Variants in ADAMTSL3 observed in about 807,000 individuals in gnomAD.
ADAMTSL3 encodes the protein ADAMTS like 3, also known as ADAMTS-like protein 3.
Under a neutral mutation model 201.7 loss-of-function variants are expected in ADAMTSL3, and 128 were observed. That is an observed-to-expected ratio of 0.63 (90% CI 0.55 to 0.73). The LOEUF is 0.73. Among genes scored for constraint, ADAMTSL3 ranks in the 30% least tolerant of loss-of-function variants. The pLI is 0.00. For missense variants in ADAMTSL3, 1,990 were observed against 2,119.6 expected (o/e 0.94, Z 1.20); for synonymous variants, 738 against 748.4 (o/e 0.99, Z 0.23).
At chr15:83,973,453 C>T (rs2067230134) in intron 20 of ADAMTSL3, among the ~76,000 whole-genome samples, 1 of 152,134 alleles carries the variant, frequency 6.6e-6, no homozygotes, top group Admixed American at 6.5e-5. Context: ...CTGGTATTAC[C>T]TTTCAAGTGA....
chr15:83,825,439 C>G (rs552728388), intron 6 of ADAMTSL3, among the ~76,000 whole-genome samples: 1 of 152,010 alleles, frequency 6.6e-6, no homozygotes, highest in South Asian at 2.1e-4. Flanking sequence ...GGGGAAACCT[C>G]GTTTCTACAA....
At chr15:83,938,837 C>T (rs2066505383) in intron 17 of ADAMTSL3, among the ~76,000 whole-genome samples, 1 of 151,988 alleles carries the variant, frequency 6.6e-6, no homozygotes. Flanking sequence ...AATGTCTTAC[C>T]CTTATGTCTT....
chr15:83,924,979 GTCC>G (rs2066221874), intron 17 of ADAMTSL3, among the ~76,000 whole-genome samples: 1 of 152,074 alleles, frequency 6.6e-6, no homozygotes, highest in Admixed American at 6.5e-5. Flanking sequence ...AGGTTATTGT[GTCC>G]TCCTGCCGTA....
chr15:83,867,074 G>T (rs1224374931), intron 8 of ADAMTSL3, among the ~76,000 whole-genome samples: 2 of 152,206 alleles, frequency 1.3e-5, no homozygotes, highest in East Asian at 1.9e-4. Context: ...TTATTTTCTG[G>T]ATTTATGCAA....
intron 4 of ADAMTSL3, among the ~76,000 whole-genome samples, chr15:83,795,637 C>A (rs2063413476): frequency 6.6e-6 from 1 of 152,128 alleles, no homozygotes; most frequent in Admixed American, 6.5e-5. Context: ...AAAAAAAATT[C>A]CACGTTGGAA....
chr15:83,668,067 C>T (rs1245701034), intron 2 of ADAMTSL3, among the ~76,000 whole-genome samples: 1 of 152,018 alleles, frequency 6.6e-6, no homozygotes, highest in Admixed American at 6.5e-5. Flanking sequence ...TACCCCATGT[C>T]CTCTTTATGC....
At chr15:83,949,634 A>G (rs1294426016) in intron 19 of ADAMTSL3, among the ~76,000 whole-genome samples, 1 of 151,982 alleles carries the variant, frequency 6.6e-6, no homozygotes, top group Non-Finnish European at 1.5e-5. Flanking sequence ...CCAACAATGT[A>G]CAAGGGTTCC....
Position 83,804,677 on chromosome 15 carries a change from C to G in ADAMTSL3, c.345C>G (p.Tyr115Ter). ...GRNCEGQNIR[Y>*]KTCSNHDCPP... ...ATTGTGAAGGGCAGAACATTCGGTA[C>G]AAGACATGCAGCAATCATGTAAGTC... The change falls in exon 5 of 30, where the codon TAC becomes TAG. Residue 115 changes from tyrosine to a stop codon, truncating the protein, a stop_gained. Transcript: ENST00000286744. LOFTEE classifies it high-confidence loss of function. 2 of 1,582,468 alleles carry G rather than the reference C, an allele frequency of 1.3e-6. No individual in the cohort carries two copies. Among genetic ancestry groups the G allele is most frequent in the Non-Finnish European group, 1.7e-6 (2 of 1,166,162 alleles).
At chr15:83,981,439 T>A (rs553780033) in intron 20 of ADAMTSL3, among the ~76,000 whole-genome samples, 1 of 152,334 alleles carries the variant, frequency 6.6e-6, no homozygotes, top group South Asian at 2.1e-4. Flanking sequence ...ATATGAGAGC[T>A]CATTATGTGC....
Position 83,662,916 on chromosome 15 carries a change from C to T in ADAMTSL3, c.69+7086C>T, listed in dbSNP as rs2061194969. On this transcript the variant is annotated intron_variant, in intron 2 of 29. Transcript: ENST00000286744. ...ACTGCCACTCCAGCTCTCCCTCAACCCTCTGCCCTCTGGGTAGCAGATGTG... is the reference window on the plus strand; with the variant it reads ...ACTGCCACTCCAGCTCTCCCTCAACTCTCTGCCCTCTGGGTAGCAGATGTG... 2.6e-5 allele frequency among the ~76,000 whole-genome samples: 4 copies of T among 152,198 alleles called. No individual in the cohort carries two copies. In the South Asian group the frequency reaches 8.3e-4, roughly 32 times the overall value.
intron 19 of ADAMTSL3, among the ~76,000 whole-genome samples, chr15:83,962,968 G>T (rs2067001850): frequency 6.6e-6 from 1 of 152,294 alleles, no homozygotes; most frequent in South Asian, 2.1e-4. Context: ...GTGCTGTGAG[G>T]AATGGTGCAA....
At chr15:83,824,140 C>T (rs893735323) in intron 6 of ADAMTSL3, among the ~76,000 whole-genome samples, 4 of 151,476 alleles carry the variant, frequency 2.6e-5, no homozygotes, top group Non-Finnish European at 5.9e-5. Context: ...TCCTCCTGGG[C>T]TCAATCGATC....
In ADAMTSL3 at chr15:83,692,765, C is replaced by T. The variant is rs117249648; in HGVS notation, c.70-11624C>T. Among the ~76,000 whole-genome samples the T allele has an allele frequency of 1.7e-3, 255 of 150,624 alleles. 6 individuals are homozygous for T. The East Asian group carries it at 0.04, about 23-fold the overall frequency. ...AATCTGGCAGCTCCACTGATGTGTTCACACTGAACACTTCCTGCCCTGAAA... is the reference window on the plus strand; with the variant it reads ...AATCTGGCAGCTCCACTGATGTGTTTACACTGAACACTTCCTGCCCTGAAA... On this transcript the variant is annotated intron_variant, in intron 2 of 29. Coordinates refer to ENST00000286744, the MANE Select transcript of ADAMTSL3 (RefSeq NM_207517.3).
At chr15:83,856,501 A>G (rs1477534128) in intron 7 of ADAMTSL3, among the ~76,000 whole-genome samples, 1 of 152,066 alleles carries the variant, frequency 6.6e-6, no homozygotes, top group Non-Finnish European at 1.5e-5. Context: ...AAAAAAAGCT[A>G]AATAAGAATC....
intron 23 of ADAMTSL3, 50 bp from the exon 24 acceptor site, chr15:84,014,492 G>A: frequency 6.5e-7 from 1 of 1,541,378 alleles, no homozygotes. Flanking sequence ...TGGTTCTGTG[G>A]CCCTGTTCTT....
chr15:83,777,284 A>G (rs1354971843), intron 4 of ADAMTSL3, among the ~76,000 whole-genome samples: 1 of 152,174 alleles, frequency 6.6e-6, no homozygotes, highest in African/African-American at 2.4e-5. Flanking sequence ...TGCCACTACC[A>G]CTGCTGCTGA....
chr15:83,995,171 T>C (rs2067665745), intron 23 of ADAMTSL3, among the ~76,000 whole-genome samples: 1 of 152,112 alleles, frequency 6.6e-6, no homozygotes, highest in African/African-American at 2.4e-5. Context: ...GGAGACAGAT[T>C]GTGAAGGGAC....
At chr15:83,703,952 G>A (rs1405591593) in intron 2 of ADAMTSL3, among the ~76,000 whole-genome samples, 3 of 146,508 alleles carry the variant, frequency 2.0e-5, no homozygotes, top group African/African-American at 7.7e-5. Context: ...CTACAATGAA[G>A]TGCATTTTTG....
chr15:83,716,624 GT>G (rs1031955558), intron 3 of ADAMTSL3, among the ~76,000 whole-genome samples: 14 of 150,856 alleles, frequency 9.3e-5, no homozygotes, highest in African/African-American at 3.2e-4. Context: ...GTGTGTGTGT[GT>G]TGTGTGTGTG....
Sources: gnomAD v4.1 joint callset for allele counts (sites outside exome capture counted in the v4.1 genomes callset) on GRCh38, gnomAD v4.1.1 for gene constraint, MANE v1.5 for transcripts, NCBI Gene and HGNC (gene_info 2026-07-23, HGNC 2026-07-21) for gene names.